The following ANKRD30BL variants were observed in gnomAD, a reference collection of about 807,000 sequenced individuals.
ANKRD30BL encodes putative ankyrin repeat domain-containing protein 30B-like.
ANKRD30BL carries 20 observed loss-of-function variants against 18.4 expected under a neutral mutation model. The observed-to-expected ratio is 1.09, with a 90% CI of 0.77 to 1.58. The LOEUF is 1.58. Among genes scored for constraint, ANKRD30BL ranks in the 40% most tolerant of loss-of-function variants. The probability of loss-of-function intolerance (pLI) is 0.00; values close to 1 mark genes in which losing one functional copy is unlikely to be tolerated. For missense variants in ANKRD30BL, 224 were observed against 268.6 expected, an observed-to-expected ratio of 0.83 and a Z score of 1.16; for synonymous variants, 72 against 100.9, an observed-to-expected ratio of 0.71 and a Z score of 1.72.
At chr2:132,256,140 C>T (rs1173564056) in intron 1 of ANKRD30BL, among the ~76,000 whole-genome samples, 6 of 152,226 alleles carry the variant, frequency 3.9e-5, no homozygotes, top group African/African-American at 1.4e-4. Flanking sequence ...CGTACTTAGA[C>T]ATGTATGGCT....
At chr2:132,221,950 C>T (rs1469918652) in intron 1 of ANKRD30BL, among the ~76,000 whole-genome samples, 6 of 127,438 alleles carry the variant, frequency 4.7e-5, no homozygotes, top group Admixed American at 7.2e-5. Flanking sequence ...CCAGCCGCCC[C>T]GTCCGGGAGG....
intron 1 of ANKRD30BL, among the ~76,000 whole-genome samples, chr2:132,192,701 C>T (rs1462718567): frequency 6.6e-6 from 1 of 152,224 alleles, no homozygotes; most frequent in Non-Finnish European, 1.5e-5. Flanking sequence ...TCCTTCAGCT[C>T]ACACCTGTGA....
At chr2:132,177,886 T>C (rs1688393361) in intron 1 of ANKRD30BL, among the ~76,000 whole-genome samples, 1 of 152,188 alleles carries the variant, frequency 6.6e-6, no homozygotes, top group East Asian at 1.9e-4. Context: ...TTTTGTTTGT[T>C]TTTTTGTTTT....
intron 1 of ANKRD30BL, among the ~76,000 whole-genome samples, chr2:132,172,709 G>C (rs776117704): frequency 2.9e-4 from 42 of 146,416 alleles, no homozygotes; most frequent in Non-Finnish European, 5.5e-4. Flanking sequence ...TCTTGAGGGT[G>C]ACTTTTTTTT....
At chr2:132,222,832 TAAAAAAAAAA>T (rs71001178) in intron 1 of ANKRD30BL, among the ~76,000 whole-genome samples, 952 of 52,838 alleles carry the variant, frequency 0.018, 10 homozygotes, top group Middle Eastern at 0.053. Context: ...GAATGATCAA[TAAAAAAAAAA>T]AAAAAAAAAA....
In ANKRD30BL at chr2:132,181,435, T is replaced by C. The variant is rs1320011067; in HGVS notation, n.442-24289A>G. On this transcript the variant is annotated intron_variant and non_coding_transcript_variant, in intron 1 of 4. Transcript: ENST00000470729. ...TCGTAGTGAGTCGAGATCATGCCACTGCACTGACAAAGGAAGACTCTGTTT... is the reference window on the plus strand; with the variant it reads ...TCGTAGTGAGTCGAGATCATGCCACCGCACTGACAAAGGAAGACTCTGTTT... 4.7e-5 allele frequency among the ~76,000 whole-genome samples: 7 copies of C among 150,174 alleles called. 1 individual carries two copies. The highest frequency in any genetic ancestry group is 4.0e-4 in the Admixed American group (6 of 14,980).
intron 1 of ANKRD30BL, among the ~76,000 whole-genome samples, chr2:132,221,559 C>T (rs888561480): frequency 8.2e-5 from 11 of 133,676 alleles, no homozygotes; most frequent in Admixed American, 7.8e-4. Context: ...GGGTCAGCCC[C>T]CCGCCCGGCC....
rs765234234 is a variant in ANKRD30BL at position 132,198,323 on chromosome 2, T to TC, written n.442-41178dup. On this transcript the variant is annotated intron_variant and non_coding_transcript_variant, in intron 1 of 4. Transcript: ENST00000470729. ...TTCTTTCTTTCTTTCTTTCTTTCTTTCTTTTTTTTTTTTTTTTTTAGACAG... is the reference window on the plus strand; with the variant it reads ...TTCTTTCTTTCTTTCTTTCTTTCTTTCCTTTTTTTTTTTTTTTTTTAGACAG... 1.1e-3 allele frequency among the ~76,000 whole-genome samples: 9 copies of TC among 8,100 alleles called. No homozygotes were observed. The South Asian group carries it at 0.013, about 12-fold the overall frequency. The allele number at this position is 8,100 out of a possible 152,430, so 5.3% of individuals were successfully genotyped here. A position where few individuals can be genotyped will look rare whatever the true frequency, so the allele number is the denominator to read the frequency against.
At position 132,161,869 on chromosome 2, in the gene ANKRD30BL, A is replaced by G. The variant is rs1209000484; in HGVS notation, c.-164T>C. On this transcript the variant is annotated 5_prime_UTR_variant, in exon 1 of 6. Coordinates refer to ENST00000409867, the MANE Select transcript of ANKRD30BL (RefSeq NM_001358416.1). ...GACACTCCAACCTCTCCCGGGAGAA[A>G]ATGGCTGCGCAAAACCGTTAGGCAG... The G allele has an allele frequency of 6.7e-6, 4 of 594,778 alleles. No homozygotes were observed. Among genetic ancestry groups the G allele is most frequent in the African/African-American group, 5.7e-5 (3 of 52,922 alleles). The allele number at this position is 594,778 out of a possible 1,614,324, so 36.8% of individuals were successfully genotyped here.
chr2:132,201,055 T>C (rs1679087902), intron 1 of ANKRD30BL, among the ~76,000 whole-genome samples: 1 of 152,156 alleles, frequency 6.6e-6, no homozygotes, highest in Admixed American at 6.6e-5. Context: ...AAGGATTCCC[T>C]ATTTAATAAA....
chr2:132,215,088 T>C (rs1166345418), intron 1 of ANKRD30BL, among the ~76,000 whole-genome samples: 2 of 151,974 alleles, frequency 1.3e-5, no homozygotes, highest in Non-Finnish European at 1.5e-5. Flanking sequence ...GTTGAACCTT[T>C]GTTTTCATTG....
intron 1 of ANKRD30BL, chr2:132,257,034 G>C (rs556166470): frequency 3.9e-6 from 2 of 517,234 alleles, no homozygotes; most frequent in African/African-American, 1.9e-5. Context: ...AGACAGGAGG[G>C]AGGTACCGCA....
chr2:132,168,741 A>G (rs1688227916), intron 1 of ANKRD30BL, among the ~76,000 whole-genome samples: 1 of 152,116 alleles, frequency 6.6e-6, no homozygotes, highest in South Asian at 2.1e-4. Flanking sequence ...ACACATAGAC[A>G]CACACAGAGA....
intron 1 of ANKRD30BL, among the ~76,000 whole-genome samples, chr2:132,167,092 CCTG>C (rs1021690476): frequency 1.9e-4 from 28 of 150,864 alleles, no homozygotes; most frequent in Admixed American, 3.3e-4. Flanking sequence ...TTCAATTCTT[CCTG>C]CTATTTATTT....
intron 1 of ANKRD30BL, among the ~76,000 whole-genome samples, chr2:132,176,219 C>A (rs1387197946): frequency 1.3e-5 from 2 of 151,736 alleles, no homozygotes; most frequent in Admixed American, 6.6e-5. Context: ...CATGGTGAAA[C>A]CTCACCTCTA....
At chr2:132,236,825 C>G (rs546971785) in intron 1 of ANKRD30BL, among the ~76,000 whole-genome samples, 1 of 151,688 alleles carries the variant, frequency 6.6e-6, no homozygotes, top group Non-Finnish European at 1.5e-5. Context: ...CACATGCACA[C>G]GTATGTTTAT....
chr2:132,163,441 C>T (rs1297188480), upstream of ANKRD30BL, among the ~76,000 whole-genome samples: 1 of 152,018 alleles, frequency 6.6e-6, no homozygotes, highest in East Asian at 1.9e-4. Context: ...CTGTTGCTCC[C>T]CATCCTTGAC....
intron 1 of ANKRD30BL, among the ~76,000 whole-genome samples, chr2:132,186,928 T>C (rs1400649034): frequency 1.3e-5 from 2 of 151,978 alleles, no homozygotes; most frequent in African/African-American, 4.8e-5. Flanking sequence ...TGCTGTTCAT[T>C]TACCCAACAT....
At chr2:132,241,137 G>T (rs895322971) in intron 1 of ANKRD30BL, among the ~76,000 whole-genome samples, 18 of 151,040 alleles carry the variant, frequency 1.2e-4, no homozygotes, top group South Asian at 6.2e-4. Flanking sequence ...GTGGAAACTT[G>T]GTGAACTTAG....
Sources: allele counts gnomAD v4.1 joint callset (sites outside exome capture counted in the v4.1 genomes callset), GRCh38; gene constraint gnomAD v4.1.1; transcripts MANE v1.5; gene names NCBI Gene and HGNC (gene_info 2026-07-23, HGNC 2026-07-21).